The following RIIAD1 variants were observed in gnomAD, a reference collection of about 807,000 sequenced individuals.
The protein encoded by RIIAD1 is regulatory subunit of type II PKA R-subunit domain containing 1, also known as RIIa domain-containing protein 1.
Under a neutral mutation model 13.3 loss-of-function variants are expected in RIIAD1, and 15 were observed. The observed-to-expected ratio is 1.13, with a 90% CI of 0.76 to 1.74. The LOEUF is 1.74. Ranked by LOEUF, RIIAD1 falls within the 40% of genes most tolerant of loss-of-function variation. The pLI is 0.00. For missense variants in RIIAD1, 121 were observed against 112.2 expected, an observed-to-expected ratio of 1.08 and a Z score of -0.35; for synonymous variants, 50 against 43.3, an observed-to-expected ratio of 1.16 and a Z score of -0.61.
intron 3 of RIIAD1, 115 bp downstream of exon 3, chr1:151,727,736 C>A: frequency 1.4e-6 from 1 of 714,696 alleles, no homozygotes; most frequent in Non-Finnish European, 2.4e-6. Context: ...TACTCCTTCA[C>A]CTGATGTCCC....
upstream of RIIAD1, chr1:151,719,558 G>T: frequency 1.4e-6 from 1 of 696,066 alleles, no homozygotes; most frequent in South Asian, 1.5e-5. Context: ...AGAGTGGCTA[G>T]TCATGAAGTA....
upstream of RIIAD1, chr1:151,716,804 TCCCCCCTCCACA>T (rs1673511824): frequency 4.5e-6 from 2 of 447,684 alleles, no homozygotes; most frequent in Non-Finnish European, 9.1e-6. Flanking sequence ...AACAAAAACC[TCCCCCCTCCACA>T]CCCCCCTCCC....
intron 4 of RIIAD1, among the ~76,000 whole-genome samples, chr1:151,714,836 GC>G (rs1673336787): frequency 6.6e-6 from 1 of 152,032 alleles, no homozygotes; most frequent in Non-Finnish European, 1.5e-5. Flanking sequence ...TAGACTCTCT[GC>G]CCCAGAAGTG....
At chr1:151,715,654 T>C in intron 4 of RIIAD1, 1 of 1,509,556 alleles carries the variant, frequency 6.6e-7, no homozygotes, top group Non-Finnish European at 8.8e-7. Context: ...GCAGCCGTCT[T>C]GACAACTCTT....
Position 151,715,697 on chromosome 1 carries a change from G to T in RIIAD1, c.21+1168G>T, listed in dbSNP as rs533553282. The T allele has an allele frequency of 7.1e-6, 11 of 1,541,018 alleles. No individual in the cohort carries two copies. In the African/African-American group the frequency reaches 1.5e-4, roughly 21 times the overall value. On this transcript the variant is annotated intron_variant, in intron 4 of 8. Transcript: ENST00000326413. ...AAGAGGCCCTCCTTAGTCCTTCACC[G>T]GGGTTTCCTGATCACTCTAGCTGAG...
At chr1:151,716,553 T>C (rs1244368461), upstream of RIIAD1, 1 of 337,814 alleles carries the variant, frequency 3.0e-6, no homozygotes, top group African/African-American at 2.2e-5. Context: ...ACCTCCCCTG[T>C]GGCGGATCCT....
At chr1:151,725,067 C>T (rs1464823873) in intron 2 of RIIAD1, among the ~76,000 whole-genome samples, 2 of 148,224 alleles carry the variant, frequency 1.3e-5, no homozygotes, top group Non-Finnish European at 3.0e-5. Flanking sequence ...CTGGGCCTCC[C>T]AAAGTGCTGG....
intron 3 of RIIAD1, among the ~76,000 whole-genome samples, chr1:151,728,198 C>T (rs1030648593): frequency 3.9e-5 from 6 of 152,208 alleles, no homozygotes; most frequent in East Asian, 1.9e-4. Context: ...CCTTTGCTAG[C>T]GCAGCAGATG....
intron 2 of RIIAD1, among the ~76,000 whole-genome samples, chr1:151,726,667 T>G (rs1673834047): frequency 6.6e-6 from 1 of 152,240 alleles, no homozygotes; most frequent in South Asian, 2.1e-4. Flanking sequence ...TAATAATGGT[T>G]GTTTCACAGG....
In RIIAD1 at chr1:151,715,741, A is replaced by T. The variant is rs948938761; in HGVS notation, c.21+1212A>T. The T allele has an allele frequency of 6.9e-6, 11 of 1,592,020 alleles. No homozygotes were observed. The African/African-American group carries it at 1.1e-4, about 16-fold the overall frequency. ...AGCTGAGTTCTTTTTCAGCTCCTCC[A>T]TCCACTTTCCTCAGGCCTGAACTCT... On this transcript the variant is annotated intron_variant, in intron 4 of 8. Coordinates refer to the RIIAD1 transcript ENST00000326413.
At chr1:151,721,652 A>G (rs1386171931) in intron 1 of RIIAD1, 32 bp downstream of exon 1, 1 of 1,250,250 alleles carries the variant, frequency 8.0e-7, no homozygotes, top group African/African-American at 1.6e-5. Context: ...TCCAGCGTCC[A>G]CCAAAGTGTA....
intron 2 of RIIAD1, among the ~76,000 whole-genome samples, chr1:151,726,386 C>T (rs1481487206): frequency 6.6e-6 from 1 of 152,150 alleles, no homozygotes; most frequent in East Asian, 1.9e-4. Flanking sequence ...AAAAAGCAGT[C>T]ACTCATATCT....
chr1:151,721,715 G>A, intron 1 of RIIAD1, 95 bp downstream of exon 1: 1 of 693,194 alleles, frequency 1.4e-6, no homozygotes. Flanking sequence ...GAGAGAAGGG[G>A]AGCGGGAGCC....
At chr1:151,714,499 G>C (rs1260955823) in exon 4 of RIIAD1, 1 of 866,172 alleles carries the variant, frequency 1.2e-6, no homozygotes, top group Admixed American at 2.0e-5. Context: ...GATGAGAGGA[G>C]GTGGAAATTA....
At chr1:151,718,342 C>T (rs1221586524), upstream of RIIAD1, among the ~76,000 whole-genome samples, 5 of 152,186 alleles carry the variant, frequency 3.3e-5, no homozygotes, top group African/African-American at 1.2e-4. Flanking sequence ...GCTGAAATAA[C>T]TTGCCTAAAG....
upstream of RIIAD1, among the ~76,000 whole-genome samples, chr1:151,718,936 T>C (rs1282870690): frequency 1.3e-5 from 2 of 152,336 alleles, no homozygotes; most frequent in South Asian, 2.1e-4. Context: ...TATGGCCCTG[T>C]TGATCTCATT....
intron 2 of RIIAD1, among the ~76,000 whole-genome samples, chr1:151,723,084 C>T (rs951794729): frequency 1.3e-5 from 2 of 152,224 alleles, no homozygotes; most frequent in Non-Finnish European, 2.9e-5. Flanking sequence ...CAGAGGTGGG[C>T]CCTCCCTTGT....
chr1:151,714,807 G>A (rs1374853211), intron 4 of RIIAD1: 2 of 692,446 alleles, frequency 2.9e-6, no homozygotes, highest in Non-Finnish European at 5.0e-6. Context: ...TGCTGGGGTA[G>A]AGAGGTGTCT....
chr1:151,719,462 C>G (rs1379766363), upstream of RIIAD1: 2 of 592,792 alleles, frequency 3.4e-6, no homozygotes, highest in Non-Finnish European at 6.0e-6. Context: ...GAGCTCTGAT[C>G]CTGGCTTTAG....
Sources: allele counts gnomAD v4.1 joint callset (sites outside exome capture counted in the v4.1 genomes callset), GRCh38; gene constraint gnomAD v4.1.1; transcripts MANE v1.5; gene names NCBI Gene and HGNC (gene_info 2026-07-23, HGNC 2026-07-21).